The following COBL variants were observed in gnomAD, a reference collection of about 807,000 sequenced individuals.
COBL encodes cordon-bleu WH2 repeat protein.
Under a neutral mutation model 98.8 loss-of-function variants are expected in COBL, and 51 were observed. The ratio of observed to expected loss-of-function variants is 0.52; its 90% confidence interval spans 0.41 to 0.65. The LOEUF (loss-of-function observed/expected upper bound fraction) is 0.65. COBL is among the 30% of genes least tolerant of loss of function. The pLI is 0.00. For missense variants in COBL, 1,617 were observed against 1,617.5 expected (o/e 1.00, Z 0.01); for synonymous variants, 634 against 651.7 (o/e 0.97, Z 0.41).
At chr7:51,093,380 C>T (rs1161547861) in intron 6 of COBL, among the ~76,000 whole-genome samples, 1 of 152,054 alleles carries the variant, frequency 6.6e-6, no homozygotes. Context: ...GATGAATGAA[C>T]CCTTGTGTAT....
At chr7:51,155,842 A>T (rs1281973472) in intron 5 of COBL, among the ~76,000 whole-genome samples, 3 of 152,108 alleles carry the variant, frequency 2.0e-5, no homozygotes, top group Non-Finnish European at 4.4e-5. Context: ...CATCTACTCT[A>T]GGTCCCATTG....
chr7:51,048,337 A>G (rs1789916429), intron 7 of COBL, among the ~76,000 whole-genome samples: 1 of 152,202 alleles, frequency 6.6e-6, no homozygotes, highest in Non-Finnish European at 1.5e-5. Context: ...CTAATATTTT[A>G]CAATTTAAAA....
At chr7:51,313,638 AG>A (rs1803270045) in intron 1 of COBL, among the ~76,000 whole-genome samples, 1 of 152,322 alleles carries the variant, frequency 6.6e-6, no homozygotes, top group South Asian at 2.1e-4. Context: ...TTTCCTCCAT[AG>A]GAAAAAAAAA....
At chr7:51,123,374 A>G (rs994149924) in intron 6 of COBL, among the ~76,000 whole-genome samples, 2 of 152,236 alleles carry the variant, frequency 1.3e-5, no homozygotes, top group African/African-American at 4.8e-5. Flanking sequence ...AAGTAGTTCC[A>G]TCAAGGGAAC....
chr7:51,223,086 A>G (rs1323135906), intron 1 of COBL, among the ~76,000 whole-genome samples: 1 of 152,170 alleles, frequency 6.6e-6, no homozygotes, highest in East Asian at 1.9e-4. Context: ...TGTGACTAGG[A>G]GCAGCCTGCG....
At chr7:51,169,477 C>G (rs1787645196) in intron 5 of COBL, among the ~76,000 whole-genome samples, 1 of 152,168 alleles carries the variant, frequency 6.6e-6, no homozygotes, top group South Asian at 2.1e-4. Context: ...ATTTCAGTTA[C>G]TTTTTGGTTT....
At chr7:51,298,091 G>A (rs1487415756) in intron 1 of COBL, among the ~76,000 whole-genome samples, 2 of 152,160 alleles carry the variant, frequency 1.3e-5, no homozygotes, top group Admixed American at 6.5e-5. Flanking sequence ...ATTGCTCCTT[G>A]CACCCCCTCT....
In COBL at chr7:51,028,432, T is replaced by C. The variant is rs377271881; in HGVS notation, c.2664A>G (p.Pro888=). The change falls in exon 10 of 13, where the codon CCA becomes CCG. Residue 888 remains proline, a synonymous_variant. Coordinates refer to ENST00000265136, the MANE Select transcript of COBL (RefSeq NM_015198.5). Reference sequence around the variant, plus strand: ...CATAACCCTTCTCGGCATAACCGTGTGGCCTCACCACATCAGCATGGACTT... The same window carrying C: ...CATAACCCTTCTCGGCATAACCGTGCGGCCTCACCACATCAGCATGGACTT... ...APKVHADVVR[P]HGYAEKGYAG... 134 of 1,614,142 alleles carry C rather than the reference T, an allele frequency of 8.3e-5. No homozygotes were observed. The highest frequency in any genetic ancestry group is 1.1e-4 in the Non-Finnish European group (130 of 1,180,052).
rs1401787812 is a variant in COBL at position 51,306,932 on chromosome 7, T to C, written c.41+9661A>G. Among the ~76,000 whole-genome samples the C allele has an allele frequency of 2.6e-5, 4 of 152,168 alleles. No individual in the cohort carries two copies. The South Asian group carries it at 6.2e-4, about 24-fold the overall frequency. ...CTGCAGGGAGCTAGAGCAGTAGCTT[T>C]CATAAAGCAGCTTTGGAAATGAGCT... On this transcript the variant is annotated intron_variant, in intron 1 of 12. Coordinates refer to ENST00000265136, the MANE Select transcript of COBL (RefSeq NM_015198.5).
intron 2 of COBL, among the ~76,000 whole-genome samples, chr7:51,204,900 A>T (rs754132087): frequency 6.6e-6 from 1 of 152,212 alleles, no homozygotes; most frequent in Non-Finnish European, 1.5e-5. Context: ...GGAAATTAAG[A>T]AAGTAGGAAA....
intron 5 of COBL, among the ~76,000 whole-genome samples, chr7:51,144,067 T>C (rs777162396): frequency 6.6e-5 from 10 of 152,186 alleles, no homozygotes; most frequent in Non-Finnish European, 1.2e-4. Context: ...TGCAGTGACA[T>C]CAGCATTGCT....
chr7:51,173,371 C>CA (rs1788066223), intron 5 of COBL, among the ~76,000 whole-genome samples: 1 of 151,824 alleles, frequency 6.6e-6, no homozygotes, highest in Non-Finnish European at 1.5e-5. Flanking sequence ...TTAGTAGAGG[C>CA]AGGGTTTCAC....
chr7:51,178,655 T>C lies in COBL; in HGVS notation c.783+5447A>G, dbSNP rs1323276238. Among the ~76,000 whole-genome samples the C allele has an allele frequency of 5.9e-5, 9 of 152,256 alleles. No individual in the cohort carries two copies. The East Asian group carries it at 1.7e-3, about 29-fold the overall frequency. On this transcript the variant is annotated intron_variant, in intron 5 of 12. Coordinates refer to ENST00000265136, the MANE Select transcript of COBL (RefSeq NM_015198.5). ...TTTTTTTTGAGACAGTCTCGCTCTG[T>C]TGCCCAGGCTGGATATGATCTTGGC...
intron 7 of COBL, among the ~76,000 whole-genome samples, chr7:51,075,796 C>G (rs1793016798): frequency 6.6e-6 from 1 of 152,148 alleles, no homozygotes; most frequent in African/African-American, 2.4e-5. Context: ...ATATATAGAT[C>G]TATTTTGATT....
At chr7:51,127,216 C>T (rs187133287) in intron 6 of COBL, among the ~76,000 whole-genome samples, 9 of 152,268 alleles carry the variant, frequency 5.9e-5, no homozygotes, top group African/African-American at 2.2e-4. Flanking sequence ...GTGGCTGCTA[C>T]AAAGACACAG....
intron 5 of COBL, among the ~76,000 whole-genome samples, chr7:51,150,950 C>T (rs1008678066): frequency 3.9e-5 from 6 of 152,122 alleles, no homozygotes; most frequent in African/African-American, 1.4e-4. Context: ...GCCCCTTCTT[C>T]AGGAGCAAGA....
chr7:51,172,507 A>G, intron 5 of COBL: 1 of 1,287,930 alleles, frequency 7.8e-7, no homozygotes, highest in Non-Finnish European at 1.0e-6. Context: ...CGCTGTCTGC[A>G]CCCGACAGCA....
chr7:51,226,818 T>C (rs780845078), intron 1 of COBL, among the ~76,000 whole-genome samples: 2 of 152,154 alleles, frequency 1.3e-5, no homozygotes, highest in African/African-American at 2.4e-5. Flanking sequence ...CATGCCATGA[T>C]CCAGCCACCA....
At chr7:51,127,012 G>T (rs1234881408) in intron 6 of COBL, among the ~76,000 whole-genome samples, 1 of 152,080 alleles carries the variant, frequency 6.6e-6, no homozygotes, top group African/African-American at 2.4e-5. Context: ...TTATGACTGG[G>T]GACACCACGG....
Sources: allele counts gnomAD v4.1 joint callset (sites outside exome capture counted in the v4.1 genomes callset), GRCh38; gene constraint gnomAD v4.1.1; transcripts MANE v1.5; gene names NCBI Gene and HGNC (gene_info 2026-07-23, HGNC 2026-07-21).